SPAG5: variants seen among roughly 807,000 people sequenced by gnomAD.
SPAG5 encodes sperm-associated antigen 5.
In SPAG5, 99 loss-of-function variants were observed where a neutral mutation model predicts 145.4. The ratio of observed to expected loss-of-function variants is 0.68; its 90% CI spans 0.58 to 0.80. SPAG5 has a LOEUF of 0.80. SPAG5 is among the 30% of genes least tolerant of loss of function. The pLI is 0.00. For missense variants in SPAG5, 1,192 were observed against 1,416.0 expected (o/e 0.84, Z 2.54); for synonymous variants, 477 against 525.4 (o/e 0.91, Z 1.26).
In SPAG5 at chr17:28,591,614, C is replaced by A. The variant is rs928819124; in HGVS notation, c.1437+84G>T. The A allele has an allele frequency of 3.2e-6, 4 of 1,257,664 alleles. No individual in the cohort carries two copies. The African/African-American group carries it at 4.5e-5, about 14-fold the overall frequency. 77.9% of individuals were successfully genotyped at this position (1,257,664 alleles called of 1,614,324 possible). On this transcript the variant is annotated intron_variant, in intron 4 of 23. Transcript: ENST00000321765. ...CTAAGTATAAGCCTGTGATAGGAGT[C>A]CCCTTTGCCCTCTGGCAGCTTCTCA... is the stretch of plus-strand genomic sequence containing the variant.
chr17:28,587,039 A>G (rs1457726479), intron 4 of SPAG5, among the ~76,000 whole-genome samples: 2 of 152,112 alleles, frequency 1.3e-5, no homozygotes, highest in East Asian at 3.9e-4. Context: ...ACACCCAGCC[A>G]CCTTTCCTAT....
intron 4 of SPAG5, among the ~76,000 whole-genome samples, chr17:28,589,251 A>T (rs2070605195): frequency 6.6e-6 from 1 of 151,690 alleles, no homozygotes; most frequent in Non-Finnish European, 1.5e-5. Context: ...GGTGCCCTCC[A>T]CCACACCCAG....
Position 28,578,361 on chromosome 17 carries a change from A to C in SPAG5, c.3354+12T>G. On this transcript the variant is annotated intron_variant, in intron 21 of 23. Transcript: ENST00000321765. ...CACCTGCTGTCCAGCTCCTCTGTTA[A>C]CTCTGAGTCACCTCCTGAGAGAGCC... The C allele has an allele frequency of 6.2e-7, 1 of 1,614,022 alleles. No individual in the cohort carries two copies. The highest frequency in any genetic ancestry group is 1.1e-5 in the South Asian group (1 of 91,082).
chr17:28,597,456 C>T (rs538373327), intron 2 of SPAG5, among the ~76,000 whole-genome samples: 1 of 152,294 alleles, frequency 6.6e-6, no homozygotes, highest in South Asian at 2.1e-4. Context: ...ACCTCAGCCA[C>T]GTTTTAAGTG....
intron 2 of SPAG5, among the ~76,000 whole-genome samples, chr17:28,596,325 G>T (rs925134546): frequency 6.6e-6 from 1 of 152,150 alleles, no homozygotes; most frequent in Non-Finnish European, 1.5e-5. Context: ...AGGAGAATTC[G>T]ATTTCAATCT....
At chr17:28,589,160 G>A (rs562814556) in intron 4 of SPAG5, among the ~76,000 whole-genome samples, 12 of 150,594 alleles carry the variant, frequency 8.0e-5, no homozygotes, top group South Asian at 6.3e-4. Context: ...GTGCAGTGGC[G>A]CGATCTTGGC....
intron 4 of SPAG5, 59 bp from the exon 5 acceptor site, chr17:28,586,558 G>T: frequency 7.1e-7 from 1 of 1,409,424 alleles, no homozygotes; most frequent in Non-Finnish European, 1.0e-6. Context: ...TTGAGACAGA[G>T]TCTTGCTCTA....
chr17:28,579,662 A>G (rs1020065772), intron 17 of SPAG5, 89 bp downstream of exon 17: 1 of 1,431,852 alleles, frequency 7.0e-7, no homozygotes, highest in Non-Finnish European at 9.8e-7. Flanking sequence ...TGAGGTTTTT[A>G]GAGCAAAGCA....
At chr17:28,595,060 G>A (rs2070652577) in intron 2 of SPAG5, among the ~76,000 whole-genome samples, 1 of 151,882 alleles carries the variant, frequency 6.6e-6, no homozygotes, top group African/African-American at 2.4e-5. Context: ...GAGTTCGAGT[G>A]CAGCTGGGCC....
chr17:28,580,344 A>T (rs1203265006), intron 15 of SPAG5: 1 of 300,706 alleles, frequency 3.3e-6, no homozygotes, highest in Non-Finnish European at 6.1e-6. Flanking sequence ...ACAAAACAAA[A>T]CCCTTCTTCT....
intron 2 of SPAG5, among the ~76,000 whole-genome samples, chr17:28,598,228 G>A (rs1312296973): frequency 6.6e-6 from 1 of 152,190 alleles, no homozygotes; most frequent in African/African-American, 2.4e-5. Flanking sequence ...TGGAGGAAGA[G>A]CACTAATCAG....
At chr17:28,585,691 CAG>C in intron 7 of SPAG5, 38 bp from the exon 8 acceptor site, 6 of 1,612,120 alleles carry the variant, frequency 3.7e-6, no homozygotes, top group Non-Finnish European at 4.2e-6. Context: ...CAGTGGGCAA[CAG>C]GGGAGCCAGC....
Position 28,585,329 on chromosome 17 carries a change from A to G in SPAG5, c.1943T>C (p.Met648Thr). 1 of 1,614,108 alleles carries G rather than the reference A, an allele frequency of 6.2e-7. No individual in the cohort carries two copies. The highest frequency in any genetic ancestry group is 8.5e-7 in the Non-Finnish European group (1 of 1,179,916). The change falls in exon 9 of 24, where the codon ATG becomes ACG. Residue 648 changes from methionine to threonine, a missense_variant. Met to Thr is a moderately conservative substitution (Grantham distance 81). Transcript: ENST00000321765. ...TSTLQQDWRS[M>T]QLDYTTWTAL... ...GTCCCAAATACTCACATCCAGTTGC[A>G]TGGACCTCCAGTCTTGTTGCAAGGT...
rs1341111740 is a variant in SPAG5 at position 28,583,941 on chromosome 17, C to T, written c.2458G>A (p.Val820Ile). Residue 820 changes from valine to isoleucine, a missense_variant, in exon 14 of 24, where the codon GTT (valine) becomes ATT (isoleucine). By Grantham distance (29) the Val-to-Ile change is conservative (BLOSUM62 3). This residue lies in a region of SPAG5 where 709 missense variants were observed against 840.7 expected (regional missense o/e 0.84). Coordinates refer to ENST00000321765, the MANE Select transcript of SPAG5 (RefSeq NM_006461.4). ...NQVAHLELGQVECQLKTTLEV... is the reference protein window; with the variant it reads ...NQVAHLELGQIECQLKTTLEV... ...AGTGTGGTTTTCAATTGACACTCAA[C>T]CTGACCCAGCTCCAGGTGAGCAACC... The T allele has an allele frequency of 6.2e-7, 1 of 1,614,044 alleles. No homozygotes were observed. The highest frequency in any genetic ancestry group is 8.5e-7 in the Non-Finnish European group (1 of 1,180,054).
chr17:28,595,072 A>C (rs2070652693), intron 2 of SPAG5, among the ~76,000 whole-genome samples: 1 of 151,928 alleles, frequency 6.6e-6, no homozygotes, highest in Non-Finnish European at 1.5e-5. Flanking sequence ...AGCTGGGCCA[A>C]CATGGTGAAA....
rs756756547 is a variant in SPAG5 at position 28,592,740 on chromosome 17, A to G, written c.504T>C (p.Asp168=). 5.6e-6 allele frequency: 9 copies of G among 1,614,204 alleles called. No homozygotes were observed. The highest frequency in any genetic ancestry group is 1.6e-4 in the Middle Eastern group (1 of 6,062). The part of the protein sequence containing the change: ...ISLNGPLRTD[D]LVREEVAPCM... ...AGGGTGCCACCTCCTCTCTCACCAG[A>G]TCGTCTGTTCTCAAAGGTCCATTTA... is the stretch of plus-strand genomic sequence containing the variant. The change falls in exon 3 of 24, where the codon GAT becomes GAC. Residue 168 remains aspartate (D), a synonymous_variant. Transcript: ENST00000321765.
intron 10 of SPAG5, 58 bp downstream of exon 10, chr17:28,585,044 T>G (rs925244108): frequency 1.4e-6 from 2 of 1,441,950 alleles, no homozygotes; most frequent in East Asian, 2.3e-5. Flanking sequence ...AAGAGGCTAA[T>G]GGTATCACAC....
intron 2 of SPAG5, among the ~76,000 whole-genome samples, chr17:28,595,859 C>G (rs2070661048): frequency 2.0e-5 from 3 of 152,076 alleles, no homozygotes; most frequent in Non-Finnish European, 2.9e-5. Flanking sequence ...GCCTGACCCC[C>G]AACATGGTGA....
chr17:28,585,514 A>T lies in SPAG5; in HGVS notation c.1860+20T>A. The T allele has an allele frequency of 6.2e-7, 1 of 1,614,028 alleles. No individual in the cohort carries two copies. Among genetic ancestry groups the T allele is most frequent in the South Asian group, 1.1e-5 (1 of 91,080 alleles). ...AGTCTGTCAGCACAGACCCCAGGAA[A>T]GAAAATGCCCTTAAATTACCAGTTG... On this transcript the variant is annotated intron_variant, in intron 8 of 23. Coordinates refer to ENST00000321765, the MANE Select transcript of SPAG5 (RefSeq NM_006461.4).
Sources: gnomAD v4.1 joint callset for allele counts (sites outside exome capture counted in the v4.1 genomes callset) on GRCh38, gnomAD v4.1.1 for gene constraint, gnomAD v4.1.1 regional missense constraint, MANE v1.5 for transcripts, NCBI Gene and HGNC (gene_info 2026-07-23, HGNC 2026-07-21) for gene names.